Variants in CCDC7 observed in about 807,000 individuals in gnomAD.
CCDC7 encodes coiled-coil domain-containing protein 7.
Under a neutral mutation model 196.9 loss-of-function variants are expected in CCDC7, and 183 were observed. The ratio of observed to expected loss-of-function variants is 0.93; its 90% CI spans 0.82 to 1.05. The LOEUF is 1.05. Ranked by LOEUF, CCDC7 falls within the 50% of genes least tolerant of loss-of-function variation. The probability of loss-of-function intolerance (pLI) is 0.00; values close to 1 mark genes in which losing one functional copy is unlikely to be tolerated. For missense variants in CCDC7, 1,540 were observed against 1,482.2 expected (o/e 1.04, Z -0.64); for synonymous variants, 525 against 484.6 (o/e 1.08, Z -1.10).
intron 18 of CCDC7, among the ~76,000 whole-genome samples, chr10:32,605,297 C>T (rs1348216804): frequency 1.3e-5 from 2 of 152,142 alleles, no homozygotes; most frequent in African/African-American, 4.8e-5. Context: ...TACCCAGTCT[C>T]AGATATTTCT....
chr10:32,767,870 A>C (rs190507220), intron 28 of CCDC7, among the ~76,000 whole-genome samples: 1 of 152,166 alleles, frequency 6.6e-6, no homozygotes, highest in African/African-American at 2.4e-5. Context: ...CAGATAACAT[A>C]GAGAAGGAAT....
intron 11 of CCDC7, among the ~76,000 whole-genome samples, chr10:32,536,290 C>G (rs2050488174): frequency 6.6e-6 from 1 of 152,122 alleles, no homozygotes. Flanking sequence ...TTACACCAGC[C>G]AGGCCTGTGG....
intron 18 of CCDC7, among the ~76,000 whole-genome samples, chr10:32,615,010 T>C (rs1294009954): frequency 6.6e-6 from 1 of 152,204 alleles, no homozygotes; most frequent in East Asian, 1.9e-4. Context: ...ATAGTGTGTG[T>C]GTATATGCAT....
At chr10:32,710,000 TG>T (rs2080551540) in intron 24 of CCDC7, among the ~76,000 whole-genome samples, 1 of 152,164 alleles carries the variant, frequency 6.6e-6, no homozygotes, top group Non-Finnish European at 1.5e-5. Context: ...GAAGAGAGCA[TG>T]GGTTTGCCAA....
chr10:32,827,436 G>A (rs1470440132), intron 32 of CCDC7, among the ~76,000 whole-genome samples: 3 of 152,182 alleles, frequency 2.0e-5, no homozygotes, highest in Non-Finnish European at 4.4e-5. Context: ...ATATGGGTTT[G>A]CCTATCTTGC....
chr10:32,676,705 A>G (rs1181396167), intron 21 of CCDC7, among the ~76,000 whole-genome samples: 1 of 152,058 alleles, frequency 6.6e-6, no homozygotes. Flanking sequence ...GCAATCATTA[A>G]AAAGTCAGGA....
At chr10:32,737,721 TTAAG>T (rs1296268690) in intron 28 of CCDC7, among the ~76,000 whole-genome samples, 1 of 152,198 alleles carries the variant, frequency 6.6e-6, no homozygotes, top group Non-Finnish European at 1.5e-5. Flanking sequence ...TGCATACTTA[TTAAG>T]TATTACTATG....
At chr10:32,473,208 C>G (rs1238067417) in intron 7 of CCDC7, among the ~76,000 whole-genome samples, 2 of 152,028 alleles carry the variant, frequency 1.3e-5, no homozygotes, top group Non-Finnish European at 2.9e-5. Context: ...GCATTGGGTC[C>G]ACAGAAAGGA....
intron 29 of CCDC7, among the ~76,000 whole-genome samples, chr10:32,799,641 G>T (rs1053144760): frequency 1.3e-5 from 2 of 152,128 alleles, no homozygotes; most frequent in Admixed American, 1.3e-4. Context: ...ATCTTGACAG[G>T]CCCCACACCA....
chr10:32,616,856 T>C (rs927046084), intron 18 of CCDC7, among the ~76,000 whole-genome samples: 1 of 151,984 alleles, frequency 6.6e-6, no homozygotes, highest in African/African-American at 2.4e-5. Flanking sequence ...GTTGAGGATT[T>C]TTATCATGAA....
chr10:32,507,049 G>T (rs2045293322), intron 9 of CCDC7, among the ~76,000 whole-genome samples: 1 of 152,086 alleles, frequency 6.6e-6, no homozygotes, highest in Admixed American at 6.5e-5. Context: ...CTGGAGTGCA[G>T]TGGCGCGATC....
intron 18 of CCDC7, among the ~76,000 whole-genome samples, chr10:32,620,432 T>G (rs984105581): frequency 6.6e-6 from 1 of 152,226 alleles, no homozygotes; most frequent in African/African-American, 2.4e-5. Context: ...TCATATTACA[T>G]AATTTTAGAG....
intron 13 of CCDC7, among the ~76,000 whole-genome samples, chr10:32,553,855 A>T (rs998516916): frequency 9.2e-5 from 14 of 152,094 alleles, no homozygotes; most frequent in African/African-American, 3.4e-4. Flanking sequence ...TATGGAGAGG[A>T]AGAGGCGGTG....
chr10:32,699,350 A>T (rs1591729994), intron 24 of CCDC7, among the ~76,000 whole-genome samples: 1 of 151,992 alleles, frequency 6.6e-6, no homozygotes, highest in South Asian at 2.1e-4. Flanking sequence ...GATGGTTTCC[A>T]GCTTCATCTA....
chr10:32,640,876 C>CT (rs1193198487), intron 20 of CCDC7, among the ~76,000 whole-genome samples: 110 of 87,092 alleles, frequency 1.3e-3, no homozygotes, highest in African/African-American at 3.9e-3. Context: ...TTTTTTTTTT[C>CT]TTTTTTTTTT....
chr10:32,701,453 A>T (rs1488300992), intron 24 of CCDC7, among the ~76,000 whole-genome samples: 2 of 152,192 alleles, frequency 1.3e-5, no homozygotes, highest in East Asian at 1.9e-4. Context: ...ATCCATGTTC[A>T]TCAGGGATAT....
intron 41 of CCDC7, among the ~76,000 whole-genome samples, chr10:32,867,502 C>G (rs1315061558): frequency 1.3e-5 from 2 of 150,922 alleles, no homozygotes; most frequent in African/African-American, 4.9e-5. Flanking sequence ...GGAATCCCTT[C>G]TAGAATTCTT....
intron 28 of CCDC7, among the ~76,000 whole-genome samples, chr10:32,730,602 T>C (rs2083799714): frequency 6.6e-6 from 1 of 151,920 alleles, no homozygotes; most frequent in South Asian, 2.1e-4. Flanking sequence ...ATATAAAAAT[T>C]AACAGAACAG....
At chr10:32,499,598 A>C (rs1915244) in intron 9 of CCDC7, among the ~76,000 whole-genome samples, 1 of 141,318 alleles carries the variant, frequency 7.1e-6, no homozygotes, top group African/African-American at 2.5e-5. Context: ...TTTCTTTTTT[A>C]TTTTTTTATT....
Sources: gnomAD v4.1 joint callset for allele counts (sites outside exome capture counted in the v4.1 genomes callset) on GRCh38, gnomAD v4.1.1 for gene constraint, MANE v1.5 for transcripts, NCBI Gene and HGNC (gene_info 2026-07-23, HGNC 2026-07-21) for gene names.